DEPDC4: variants seen among roughly 807,000 people sequenced by gnomAD.
DEPDC4 encodes the protein DEP domain containing 4, also known as DEP domain-containing protein 4.
In DEPDC4, 52 loss-of-function variants were observed where a neutral mutation model predicts 52.0. The observed-to-expected ratio is 1.00, with a 90% CI of 0.80 to 1.26. The LOEUF is 1.26. DEPDC4 is among the 50% of genes most tolerant of loss of function. The pLI is 0.00. For missense variants in DEPDC4, 530 were observed against 546.9 expected (o/e 0.97, Z 0.31); for synonymous variants, 201 against 196.8 (o/e 1.02, Z -0.18).
At chr12:100,276,530 G>T in the DEPDC4 span, among the ~76,000 whole-genome samples, 2 of 151,948 alleles carry the variant, frequency 1.3e-5, no homozygotes, top group Non-Finnish European at 2.9e-5. Context: ...TAGAAACAGG[G>T]TCTCCTTATG....
At chr12:100,270,049 C>T (rs142564851), upstream of DEPDC4, among the ~76,000 whole-genome samples, 60 of 151,062 alleles carry the variant, frequency 4.0e-4, no homozygotes, top group Middle Eastern at 3.5e-3. Context: ...TGCCGTGGCG[C>T]GATCTCGGCT....
upstream of DEPDC4, among the ~76,000 whole-genome samples, chr12:100,270,869 A>G (rs748369507): frequency 6.6e-6 from 1 of 151,488 alleles, no homozygotes; most frequent in Non-Finnish European, 1.5e-5. Context: ...CTCCCCCTGC[A>G]TTTAGCATGG....
chr12:100,274,391 C>G, the DEPDC4 span, among the ~76,000 whole-genome samples: 1 of 152,146 alleles, frequency 6.6e-6, no homozygotes, highest in Non-Finnish European at 1.5e-5. Context: ...TTTACTTTAT[C>G]AAAACCTTGG....
Position 100,256,000 on chromosome 12 carries a change from G to A in DEPDC4, c.878+49C>T, listed in dbSNP as rs1172234366. ...ATCCTAAAATACTAAGGGCAAATAT[G>A]TGAAAAAAACTGTTTACAAATTATT... On this transcript the variant is annotated intron_variant, in intron 4 of 9. Coordinates refer to ENST00000550587, the MANE Select transcript of DEPDC4 (RefSeq NM_001364818.2). 3 of 1,420,560 alleles carry A rather than the reference G, an allele frequency of 2.1e-6. No homozygotes were observed. The East Asian group carries it at 6.9e-5, about 33-fold the overall frequency. 88.0% of individuals were successfully genotyped at this position (1,420,560 alleles called of 1,614,324 possible).
At chr12:100,267,098 C>G (rs772182364), upstream of DEPDC4, 24 of 1,609,512 alleles carry the variant, frequency 1.5e-5, no homozygotes, top group East Asian at 6.7e-5. Flanking sequence ...ACCTGACACC[C>G]GGGGCGGAGA....
chr12:100,278,262 C>G, the DEPDC4 span, among the ~76,000 whole-genome samples: 2 of 151,720 alleles, frequency 1.3e-5, no homozygotes, highest in Non-Finnish European at 2.9e-5. Context: ...TGCAGTGGTG[C>G]AATCACAACT....
the DEPDC4 span, among the ~76,000 whole-genome samples, chr12:100,272,350 C>G: frequency 6.6e-6 from 1 of 152,090 alleles, no homozygotes; most frequent in Non-Finnish European, 1.5e-5. Context: ...TCTTATATGT[C>G]AAATGGCTAT....
Position 100,262,357 on chromosome 12 carries a change from T to C in DEPDC4, c.607A>G (p.Arg203Gly). 1 of 1,613,316 alleles carries C rather than the reference T, an allele frequency of 6.2e-7. No individual in the cohort carries two copies. The highest frequency in any genetic ancestry group is 8.5e-7 in the Non-Finnish European group (1 of 1,179,694). ...NPLAQEIGEE[R>G]IEELIHTING... ...ATTGTATGAATAAGTTCCTCAATTCTTTCCTCACCAATCTCCTGTGCTAGA... is the reference window on the plus strand; with the variant it reads ...ATTGTATGAATAAGTTCCTCAATTCCTTCCTCACCAATCTCCTGTGCTAGA... The change falls in exon 3 of 10, where the codon AGA becomes GGA. Residue 203 changes from arginine to glycine, a missense_variant. Coordinates refer to ENST00000550587, the MANE Select transcript of DEPDC4 (RefSeq NM_001364818.2).
chr12:100,267,464 G>A (rs59031776), upstream of DEPDC4: 858 of 169,518 alleles, frequency 5.1e-3, 8 homozygotes, highest in African/African-American at 0.019. Context: ...GGCTCCCGGA[G>A]CCGGCGAGGA....
At chr12:100,256,890 C>T (rs1275072941) in intron 3 of DEPDC4, among the ~76,000 whole-genome samples, 1 of 152,006 alleles carries the variant, frequency 6.6e-6, no homozygotes, top group African/African-American at 2.4e-5. Context: ...ATCCGCCCGC[C>T]TCGGCCTCCC....
At chr12:100,249,006 T>C in intron 7 of DEPDC4, 28 bp from the exon 8 acceptor site, 1 of 909,830 alleles carries the variant, frequency 1.1e-6, no homozygotes, top group Non-Finnish European at 1.3e-6. Context: ...TTTCAAAATA[T>C]TTAATATGAT....
chr12:100,269,121 T>C (rs1279121033), upstream of DEPDC4, among the ~76,000 whole-genome samples: 3 of 152,200 alleles, frequency 2.0e-5, no homozygotes, highest in African/African-American at 7.2e-5. Context: ...TTAAAATCTT[T>C]CAGTGGCTTC....
At chr12:100,252,366 T>A (rs762407296) in intron 6 of DEPDC4, 28 bp downstream of exon 6, 1 of 1,517,450 alleles carries the variant, frequency 6.6e-7, no homozygotes, top group East Asian at 2.4e-5. Flanking sequence ...CAAAAAAAAA[T>A]GGCAAAACTT....
chr12:100,247,212 T>TTTG (rs2153906258), intron 8 of DEPDC4, among the ~76,000 whole-genome samples: 1 of 135,410 alleles, frequency 7.4e-6, no homozygotes, highest in Non-Finnish European at 1.6e-5. Flanking sequence ...TTTTTTTTTT[T>TTTG]TTTTTTTTTT....
At chr12:100,252,155 C>T (rs1412403409) in intron 7 of DEPDC4, 21 bp downstream of exon 7, 14 of 1,150,458 alleles carry the variant, frequency 1.2e-5, no homozygotes, top group African/African-American at 4.9e-5. Flanking sequence ...TAAATGTGCC[C>T]AGGCAAAATG....
intron 4 of DEPDC4, among the ~76,000 whole-genome samples, chr12:100,255,006 C>T (rs1179339121): frequency 2.6e-5 from 4 of 152,182 alleles, no homozygotes; most frequent in Admixed American, 2.0e-4. Flanking sequence ...GATTACAGGC[C>T]CTTTGGCCCT....
At chr12:100,265,842 T>A (rs1017899074) in intron 1 of DEPDC4, among the ~76,000 whole-genome samples, 7 of 152,160 alleles carry the variant, frequency 4.6e-5, no homozygotes, top group African/African-American at 1.7e-4. Flanking sequence ...AATAGAAAGA[T>A]CTGGAAGAAT....
chr12:100,236,651 T>G (rs1231757684), downstream of DEPDC4, among the ~76,000 whole-genome samples: 3 of 152,188 alleles, frequency 2.0e-5, no homozygotes, highest in African/African-American at 7.2e-5. Flanking sequence ...CTGTGCAGAC[T>G]GTTCCTTTTG....
At chr12:100,269,830 T>A (rs1394386007), upstream of DEPDC4, among the ~76,000 whole-genome samples, 1 of 152,166 alleles carries the variant, frequency 6.6e-6, no homozygotes, top group Non-Finnish European at 1.5e-5. Context: ...CCTTTATAGG[T>A]TCCGATTCCA....
Sources: gnomAD v4.1 joint callset for allele counts (sites outside exome capture counted in the v4.1 genomes callset) on GRCh38, gnomAD v4.1.1 for gene constraint, MANE v1.5 for transcripts, NCBI Gene and HGNC (gene_info 2026-07-23, HGNC 2026-07-21) for gene names.